MAMLD1: variants seen among roughly 807,000 people sequenced by gnomAD.
MAMLD1 encodes mastermind like domain containing 1.
Under a neutral mutation model 45.0 loss-of-function variants are expected in MAMLD1, and 14 were observed. The observed-to-expected ratio is 0.31, with a 90% CI of 0.21 to 0.49. MAMLD1 has a LOEUF of 0.49. Ranked by LOEUF, MAMLD1 falls within the 20% of genes least tolerant of loss-of-function variation. MAMLD1 has a pLI of 0.99. For synonymous variants in MAMLD1, 254 were observed against 247.8 expected (o/e 1.02, Z -0.24); for missense variants, 543 against 603.6 (o/e 0.90, Z 1.05).
chrX:150,404,207 A>C (rs1297702690), intron 1 of MAMLD1, among the ~76,000 whole-genome samples: 2 of 111,870 alleles, frequency 1.8e-5, no homozygotes, highest in African/African-American at 6.5e-5. Flanking sequence ...GAAAAAGGTA[A>C]AAACTGAAGG....
intron 1 of MAMLD1, among the ~76,000 whole-genome samples, chrX:150,373,759 C>T (rs2032162952): frequency 8.9e-6 from 1 of 112,036 alleles, no homozygotes; most frequent in South Asian, 3.7e-4. Flanking sequence ...CCTCAGCCCG[C>T]TGTACCTTAG....
rs782714181 is a variant in MAMLD1, at chrX:150,497,928, A to G, written c.2041-5346A>G. ...ATGGGTGATCATGGGCAGGTCGCTT[A>G]ACCTTTTTGTGCCTCAGTTTCCTTA... On this transcript the variant is annotated intron_variant, in intron 5 of 7. Coordinates refer to ENST00000370401, the MANE Select transcript of MAMLD1 (RefSeq NM_005491.5). Among the ~76,000 whole-genome samples, 38 of 111,079 alleles carry G rather than the reference A, an allele frequency of 3.4e-4. 2 individuals are homozygous for G. In the South Asian group the frequency reaches 0.015, roughly 43 times the overall value.
chrX:150,481,277 A>G (rs1483198570), intron 5 of MAMLD1, among the ~76,000 whole-genome samples: 1 of 112,700 alleles, frequency 8.9e-6, no homozygotes, highest in Non-Finnish European at 1.9e-5. Flanking sequence ...AATGCACTCC[A>G]CTATAGCTTT....
At chrX:150,481,195 G>A (rs2036742106) in intron 5 of MAMLD1, among the ~76,000 whole-genome samples, 2 of 113,105 alleles carry the variant, frequency 1.8e-5, no homozygotes, top group Admixed American at 1.9e-4. Context: ...GAATAACTGG[G>A]AATGATTCCA....
At chrX:150,405,729 G>A (rs1435423525) in intron 1 of MAMLD1, among the ~76,000 whole-genome samples, 1 of 111,726 alleles carries the variant, frequency 9.0e-6, no homozygotes, top group Non-Finnish European at 1.9e-5. Flanking sequence ...CAGTTGGAGA[G>A]AGGCAAAGTG....
chrX:150,457,273 G>A (rs1357610883), intron 2 of MAMLD1, among the ~76,000 whole-genome samples: 1 of 112,197 alleles, frequency 8.9e-6, no homozygotes, highest in East Asian at 2.8e-4. Flanking sequence ...GAACAGAAAG[G>A]TGCTTCTCTA....
At chrX:150,498,457 A>C (rs2037453618) in intron 5 of MAMLD1, among the ~76,000 whole-genome samples, 1 of 112,455 alleles carries the variant, frequency 8.9e-6, no homozygotes, top group Admixed American at 9.4e-5. Context: ...GCAAACCCAT[A>C]ATTCAAGTCT....
intron 5 of MAMLD1, among the ~76,000 whole-genome samples, chrX:150,502,822 G>C (rs1437386114): frequency 2.8e-5 from 3 of 107,559 alleles, no homozygotes; most frequent in Non-Finnish European, 3.8e-5. Flanking sequence ...TGTGGGGGGT[G>C]GTCACTGGGG....
chrX:150,449,079 A>C (rs1557404935), intron 2 of MAMLD1, among the ~76,000 whole-genome samples: 1 of 111,616 alleles, frequency 9.0e-6, no homozygotes, highest in Admixed American at 9.5e-5. Context: ...TTACAATGGG[A>C]TGCCGTGCCC....
intron 7 of MAMLD1, among the ~76,000 whole-genome samples, chrX:150,511,580 G>A: frequency 8.9e-6 from 1 of 112,060 alleles, no homozygotes; most frequent in East Asian, 2.8e-4. Context: ...CCCGCCACCA[G>A]CCCAGCCCAC....
chrX:150,460,065 A>G (rs187164136), intron 2 of MAMLD1, among the ~76,000 whole-genome samples: 124 of 112,563 alleles, frequency 1.1e-3, no homozygotes, highest in Middle Eastern at 4.6e-3. Context: ...TAACTATGTG[A>G]ATGCATACAA....
chrX:150,503,602 G>C, intron 6 of MAMLD1, 85 bp downstream of exon 6: 1 of 602,683 alleles, frequency 1.7e-6, no homozygotes, highest in South Asian at 2.4e-5. Flanking sequence ...TGCCTCACAG[G>C]GTTGTTGGGA....
chrX:150,398,342 A>AAGG lies in MAMLD1; in HGVS notation c.-64+34812_-64+34813insAGG, dbSNP rs1569564634. On this transcript the variant is annotated intron_variant, in intron 1 of 7. Transcript: ENST00000370401. Reference sequence around the variant, plus strand: ...GAAGAAGAAGAAGAAGAAGAAGAAGAGGAAGAGGAAGAGGAAGAGGAAGAG... The same window carrying AAGG: ...GAAGAAGAAGAAGAAGAAGAAGAAGAAGGGGAAGAGGAAGAGGAAGAGGAAGAG... Among the ~76,000 whole-genome samples, 198 of 65,117 alleles carry AAGG rather than the reference A, an allele frequency of 3.0e-3. 1 individual carries two copies. Among genetic ancestry groups the AAGG allele is most frequent in the South Asian group, 5.1e-3 (7 of 1,366 alleles). 56.5% of individuals were successfully genotyped at this position (65,117 alleles called of 115,157 possible).
intron 5 of MAMLD1, among the ~76,000 whole-genome samples, chrX:150,490,251 C>G (rs1046906047): frequency 2.7e-5 from 3 of 112,122 alleles, no homozygotes; most frequent in African/African-American, 9.7e-5. Flanking sequence ...GGAACAGAAA[C>G]TGGTGGTAGA....
intron 5 of MAMLD1, among the ~76,000 whole-genome samples, chrX:150,488,702 A>G (rs1164704200): frequency 8.8e-6 from 1 of 113,149 alleles, no homozygotes; most frequent in Non-Finnish European, 1.9e-5. Context: ...AGATATTCAC[A>G]CATCAAAAAA....
chrX:150,447,515 T>C (rs190502557), intron 2 of MAMLD1, among the ~76,000 whole-genome samples: 30 of 112,100 alleles, frequency 2.7e-4, no homozygotes, highest in Admixed American at 2.2e-3. Flanking sequence ...CAGGTGCTGC[T>C]GTACGGTATC....
intron 1 of MAMLD1, among the ~76,000 whole-genome samples, chrX:150,414,028 C>CAAAAAAAAAAAAAAAAAAAAAAAA (rs56866886): frequency 9.6e-5 from 3 of 31,344 alleles, no homozygotes; most frequent in Admixed American, 7.4e-4. Context: ...CAGAAAACTG[C>CAAAAAAAAAAAAAAAAAAAAAAAA]AAAAAAAAAA....
intron 1 of MAMLD1, among the ~76,000 whole-genome samples, chrX:150,371,702 C>T (rs782444116): frequency 2.6e-4 from 29 of 112,058 alleles, no homozygotes; most frequent in Non-Finnish European, 4.7e-4. Flanking sequence ...CATTTGAATC[C>T]GAAATTCCAC....
At position 150,431,440 on chromosome X, in the gene MAMLD1, G is replaced by T. The variant is rs2034942211; in HGVS notation, c.-63-14014G>T. Among the ~76,000 whole-genome samples, 7 of 108,766 alleles carry T rather than the reference G, an allele frequency of 6.4e-5. No individual in the cohort carries two copies. In the Admixed American group the frequency reaches 6.9e-4, roughly 11 times the overall value. 94.5% of individuals were successfully genotyped at this position (108,766 alleles called of 115,157 possible). A position where few individuals can be genotyped will look rare whatever the true frequency, so the allele number is the denominator to read the frequency against. On this transcript the variant is annotated intron_variant, in intron 1 of 7. Transcript: ENST00000370401. ...CTTTTTAAAAAAAAATTAGGTCAAG[G>T]GGTACATGTGCGGGTTTGATATATA...
Sources: gnomAD v4.1 joint callset for allele counts (sites outside exome capture counted in the v4.1 genomes callset) on GRCh38, gnomAD v4.1.1 for gene constraint, MANE v1.5 for transcripts, NCBI Gene and HGNC (gene_info 2026-07-23, HGNC 2026-07-21) for gene names.